Variants in TM4SF19 observed in about 807,000 individuals in gnomAD.
The protein encoded by TM4SF19 is transmembrane 4 L six family member 19, also known as transmembrane 4 L6 family member 19.
Under a neutral mutation model 21.8 loss-of-function variants are expected in TM4SF19, and 17 were observed. The observed-to-expected ratio is 0.78, with a 90% CI of 0.53 to 1.17. The LOEUF is 1.17. TM4SF19 is among the 50% of genes most tolerant of loss of function. TM4SF19 has a pLI of 0.00. For synonymous variants in TM4SF19, 107 were observed against 106.7 expected (o/e 1.00, Z -0.02); for missense variants, 216 against 252.1 (o/e 0.86, Z 0.97).
At chr3:196,326,062 C>T (rs981734044) in intron 3 of TM4SF19, among the ~76,000 whole-genome samples, 1 of 152,156 alleles carries the variant, frequency 6.6e-6, no homozygotes, top group Non-Finnish European at 1.5e-5. Flanking sequence ...GCAAGCTCCG[C>T]CTCCCGGGTT....
chr3:196,333,653 T>C (rs1367176523), intron 1 of TM4SF19, among the ~76,000 whole-genome samples: 1 of 152,186 alleles, frequency 6.6e-6, no homozygotes, highest in Non-Finnish European at 1.5e-5. Context: ...CCGCGCTCAC[T>C]ACCTGAGTGA....
rs1727189119 is a variant in TM4SF19, at chr3:196,324,190, C to T, written c.449+81G>A. 2.6e-6 allele frequency: 4 copies of T among 1,537,968 alleles called. No homozygotes were observed. The South Asian group carries it at 4.6e-5, about 18-fold the overall frequency. On this transcript the variant is annotated intron_variant, in intron 4 of 4. Coordinates refer to ENST00000273695, the MANE Select transcript of TM4SF19 (RefSeq NM_138461.4). ...TGCTAGGATGTGTGACCCAAAGGAG[C>T]TTGTAGTTCGTCTGTGTGTCTTTTT...
chr3:196,335,478 G>A (rs1484022549), intron 1 of TM4SF19, among the ~76,000 whole-genome samples: 1 of 130,468 alleles, frequency 7.7e-6, no homozygotes, highest in East Asian at 2.5e-4. Flanking sequence ...GTGGGGGTAG[G>A]AGAGGGGAGG....
intron 1 of TM4SF19, among the ~76,000 whole-genome samples, chr3:196,336,930 T>TTAAG (rs1462646776): frequency 6.6e-6 from 1 of 152,172 alleles, no homozygotes; most frequent in Non-Finnish European, 1.5e-5. Context: ...CGGATATTTA[T>TTAAG]TAAGTGATCA....
At chr3:196,332,950 A>G (rs532392912) in intron 1 of TM4SF19, among the ~76,000 whole-genome samples, 1 of 150,724 alleles carries the variant, frequency 6.6e-6, no homozygotes, top group East Asian at 2.0e-4. Flanking sequence ...TCTGGGCTCA[A>G]GTGATCCTCC....
At position 196,325,168 on chromosome 3, in the gene TM4SF19, C is replaced by G. The variant is rs1052393125; in HGVS notation, c.280-728G>C. On this transcript the variant is annotated intron_variant, in intron 3 of 4. Transcript: ENST00000273695. This position sits in a 1 kb window ranked among gnomAD's most constrained non-coding sequence, Gnocchi z 4.3. The stretch of plus-strand genomic sequence containing the variant: ...CCTGCTTCTACATTGGCTTCTTTCT[C>G]GTTCCTTCCTTCCTTCCCTTCCTTC... 7.2e-5 allele frequency: 11 copies of G among 152,078 alleles called. No homozygotes were observed. The highest frequency in any genetic ancestry group is 2.7e-4 in the African/African-American group (11 of 41,362). The allele number at this position is 152,078 out of a possible 1,614,324, so 9.4% of individuals were successfully genotyped here.
chr3:196,333,017 T>A (rs1727583820), intron 1 of TM4SF19, among the ~76,000 whole-genome samples: 1 of 152,102 alleles, frequency 6.6e-6, no homozygotes, highest in Admixed American at 6.6e-5. Flanking sequence ...ACCTGGCTAA[T>A]GTTTTAGTTC....
chr3:196,329,858 T>C (rs1577408190), intron 1 of TM4SF19, among the ~76,000 whole-genome samples: 1 of 118,062 alleles, frequency 8.5e-6, no homozygotes, highest in African/African-American at 2.8e-5. Context: ...GGTTTTCAGG[T>C]TTTGTTTTGT....
intron 1 of TM4SF19, among the ~76,000 whole-genome samples, chr3:196,327,839 T>G (rs996113579): frequency 1.3e-5 from 2 of 152,240 alleles, no homozygotes; most frequent in Non-Finnish European, 2.9e-5. Flanking sequence ...TTCCATCATA[T>G]TTTGTTTATG....
intron 1 of TM4SF19, among the ~76,000 whole-genome samples, chr3:196,335,076 A>C (rs190199176): frequency 1.6e-4 from 3 of 18,970 alleles, no homozygotes; most frequent in East Asian, 3.5e-3. Flanking sequence ...GGAGGGGTGC[A>C]CTGGGAGGGT....
intron 3 of TM4SF19, 36 bp downstream of exon 3, chr3:196,326,919 A>G (rs1727312879): frequency 6.4e-7 from 1 of 1,572,766 alleles, no homozygotes; most frequent in Non-Finnish European, 8.7e-7. Context: ...AGGTGGAGAC[A>G]TTCTGGGTGT....
intron 3 of TM4SF19, among the ~76,000 whole-genome samples, chr3:196,326,077 A>G (rs1727274617): frequency 6.6e-6 from 1 of 151,914 alleles, no homozygotes; most frequent in Non-Finnish European, 1.5e-5. Context: ...CGGGTTCAAG[A>G]GATTTTCCTG....
intron 1 of TM4SF19, among the ~76,000 whole-genome samples, chr3:196,329,424 G>T (rs1727427225): frequency 7.9e-6 from 1 of 126,180 alleles, no homozygotes; most frequent in African/African-American, 2.7e-5. Flanking sequence ...TAAAACAAAG[G>T]AGAAAAACAC....
In TM4SF19 at chr3:196,323,896, C is replaced by G. The variant is rs778434267; in HGVS notation, c.551G>C (p.Ser184Thr). ...VSLFSALLCI[S>T]LLQLLLVVVH... ...GACCACCAGGAGAAGCTGGAGCAGG[C>G]TGATGCACAGAAGGGCGGAGAAGAG... Residue 184 changes from serine (S) to threonine (T), a missense_variant, in exon 5 of 5, where the codon AGC (serine) becomes ACC (threonine). Transcript: ENST00000273695. The G allele has an allele frequency of 4.3e-6, 7 of 1,614,044 alleles. No homozygotes were observed. The highest frequency in any genetic ancestry group is 5.9e-6 in the Non-Finnish European group (7 of 1,180,052).
chr3:196,328,415 G>A (rs1397391298), intron 1 of TM4SF19, among the ~76,000 whole-genome samples: 1 of 151,914 alleles, frequency 6.6e-6, no homozygotes, highest in Non-Finnish European at 1.5e-5. Flanking sequence ...TAGAATAAAA[G>A]ATTAATATAC....
intron 1 of TM4SF19, among the ~76,000 whole-genome samples, chr3:196,334,786 A>C (rs1727657605): frequency 7.0e-6 from 1 of 142,410 alleles, no homozygotes; most frequent in African/African-American, 2.6e-5. Flanking sequence ...AGACAAGGGG[A>C]GGGGTGCCCT....
intron 3 of TM4SF19, 60 bp from the exon 4 acceptor site, chr3:196,324,500 G>T: frequency 1.3e-6 from 2 of 1,582,506 alleles, no homozygotes; most frequent in South Asian, 2.2e-5. Flanking sequence ...GCCTGCGGAG[G>T]GAGGAGAAAC....
At chr3:196,326,918 C>T in intron 3 of TM4SF19, 37 bp downstream of exon 3, 1 of 1,567,864 alleles carries the variant, frequency 6.4e-7, no homozygotes, top group South Asian at 1.1e-5. Flanking sequence ...GAGGTGGAGA[C>T]ATTCTGGGTG....
chr3:196,330,408 G>T (rs1417706668), intron 1 of TM4SF19, among the ~76,000 whole-genome samples: 1 of 152,154 alleles, frequency 6.6e-6, no homozygotes, highest in African/African-American at 2.4e-5. Context: ...TGACAAATCT[G>T]ATGTTACTTT....
Sources: allele counts gnomAD v4.1 joint callset (sites outside exome capture counted in the v4.1 genomes callset), GRCh38; gene constraint gnomAD v4.1.1; non-coding constraint Gnocchi (gnomAD v3.1); transcripts MANE v1.5; gene names NCBI Gene and HGNC (gene_info 2026-07-23, HGNC 2026-07-21).